The following TWIST2 variants were observed in gnomAD, a reference collection of about 807,000 sequenced individuals.
TWIST2 encodes twist-related protein 2.
A neutral mutation model predicts 11.6 loss-of-function variants in TWIST2; 1 was observed. The observed-to-expected ratio is 0.09, with a 90% CI of 0.03 to 0.41. The LOEUF is 0.41. Ranked by LOEUF, TWIST2 falls within the 10% of genes least tolerant of loss-of-function variation. TWIST2 has a pLI of 0.98. For missense variants in TWIST2, 168 were observed against 226.4 expected, an observed-to-expected ratio of 0.74 and a Z score of 1.66; for synonymous variants, 87 against 96.6, an observed-to-expected ratio of 0.90 and a Z score of 0.58.
intron 1 of TWIST2, among the ~76,000 whole-genome samples, chr2:238,877,204 C>T (rs1265797142): frequency 3.9e-5 from 6 of 152,002 alleles, no homozygotes; most frequent in African/African-American, 9.7e-5. Context: ...CTCAAAACAG[C>T]AACAACAAAA....
chr2:238,894,317 T>G (rs907715557), intron 1 of TWIST2, among the ~76,000 whole-genome samples: 5 of 151,894 alleles, frequency 3.3e-5, no homozygotes, highest in Admixed American at 1.3e-4. Context: ...CCGAGATGAC[T>G]CCTCCTCTCT....
chr2:238,898,223 A>G (rs1693227929), intron 1 of TWIST2, among the ~76,000 whole-genome samples: 1 of 152,236 alleles, frequency 6.6e-6, no homozygotes, highest in African/African-American at 2.4e-5. Flanking sequence ...GCCTCTAACC[A>G]GCTGTGTGAC....
intron 1 of TWIST2, 81 bp from the exon 2 acceptor site, chr2:238,909,761 C>T (rs1461730833): frequency 1.3e-5 from 2 of 152,472 alleles, no homozygotes; most frequent in African/African-American, 4.8e-5. Flanking sequence ...TCCCACCCAG[C>T]CTTGGGACAG....
At chr2:238,890,789 T>G (rs946276764) in intron 1 of TWIST2, among the ~76,000 whole-genome samples, 10 of 152,188 alleles carry the variant, frequency 6.6e-5, no homozygotes, top group African/African-American at 2.2e-4. Context: ...GGGATTAGTC[T>G]CTAAGCTCTC....
At chr2:238,850,624 T>TA (rs923354263) in intron 1 of TWIST2, among the ~76,000 whole-genome samples, 6 of 152,110 alleles carry the variant, frequency 3.9e-5, no homozygotes, top group Admixed American at 6.5e-5. Context: ...CCTCAAAACT[T>TA]AGAGAATCAG....
At chr2:238,848,773 G>GGGCGGGC in intron 1 of TWIST2, 40 bp downstream of exon 1, 1 of 1,318,442 alleles carries the variant, frequency 7.6e-7, no homozygotes, top group Non-Finnish European at 9.6e-7. Context: ...CCGCTGCGGG[G>GGGCGGGC]GGCGGGCGGC....
intron 1 of TWIST2, among the ~76,000 whole-genome samples, chr2:238,899,158 G>C (rs36133683): frequency 0.36 from 54,511 of 152,254 alleles, 9,934 homozygotes; most frequent in Middle Eastern, 0.49. Context: ...GCTGGCCACG[G>C]GAGCCACCTG....
chr2:238,894,399 A>C (rs1574766846), intron 1 of TWIST2, among the ~76,000 whole-genome samples: 1 of 151,366 alleles, frequency 6.6e-6, no homozygotes, highest in African/African-American at 2.4e-5. Context: ...GCCCCTTGCC[A>C]CCCCCACACT....
intron 1 of TWIST2, among the ~76,000 whole-genome samples, chr2:238,872,322 C>T (rs957407546): frequency 2.6e-5 from 4 of 152,164 alleles, no homozygotes; most frequent in Admixed American, 1.3e-4. Context: ...GAGGGCCATG[C>T]CAGTGTAGGG....
chr2:238,871,161 C>A (rs1692686703), intron 1 of TWIST2, among the ~76,000 whole-genome samples: 1 of 13,244 alleles, frequency 7.6e-5, no homozygotes, highest in Non-Finnish European at 1.4e-4. Context: ...ACACCACACA[C>A]CCCACACACA....
At chr2:238,870,631 C>T (rs1372056135) in intron 1 of TWIST2, among the ~76,000 whole-genome samples, 2 of 44,096 alleles carry the variant, frequency 4.5e-5, no homozygotes, top group African/African-American at 1.5e-4. Flanking sequence ...ACAAACCACA[C>T]CCCCCCACAC....
intron 1 of TWIST2, among the ~76,000 whole-genome samples, chr2:238,897,818 C>T (rs1427991650): frequency 1.3e-5 from 2 of 152,250 alleles, no homozygotes; most frequent in Non-Finnish European, 2.9e-5. Context: ...TACCCGGAGC[C>T]GTCTGGCCCT....
At chr2:238,887,855 A>G (rs1693069400) in intron 1 of TWIST2, among the ~76,000 whole-genome samples, 2 of 152,174 alleles carry the variant, frequency 1.3e-5, no homozygotes, top group Admixed American at 1.3e-4. Context: ...CTGCTGCATG[A>G]ACCTCCTGAG....
intron 1 of TWIST2, among the ~76,000 whole-genome samples, chr2:238,890,418 G>A (rs551377961): frequency 2.0e-5 from 3 of 152,322 alleles, no homozygotes; most frequent in East Asian, 1.9e-4. Context: ...CTGAGAGCCC[G>A]TGATTGCACA....
At chr2:238,870,135 CCACA>C in intron 1 of TWIST2, among the ~76,000 whole-genome samples, 1 of 77,222 alleles carries the variant, frequency 1.3e-5, no homozygotes, top group Non-Finnish European at 2.5e-5. Context: ...CACACACACA[CCACA>C]CCCCATACAC....
In TWIST2 at chr2:238,864,206, G is replaced by A. The variant is rs1330050877; in HGVS notation, c.*35+15473G>A. 6.6e-6 allele frequency among the ~76,000 whole-genome samples: 1 copy of A among 151,342 alleles called. No individual in the cohort carries two copies. Among genetic ancestry groups the A allele is most frequent in the African/African-American group, 2.4e-5 (1 of 41,162 alleles). On this transcript the variant is annotated intron_variant, in intron 1 of 1. Transcript: ENST00000612363. The surrounding 1 kb of genome is among the most constrained non-coding windows in gnomAD (Gnocchi z 4.7). ...GGGGAAGGGGCTGGAGGTGAGGGGGGACCTCTCGGGCTGTGCCGTGGTATC... is the reference window on the plus strand; with the variant it reads ...GGGGAAGGGGCTGGAGGTGAGGGGGAACCTCTCGGGCTGTGCCGTGGTATC...
chr2:238,903,052 AT>A (rs1693296341), intron 1 of TWIST2, among the ~76,000 whole-genome samples: 1 of 83,946 alleles, frequency 1.2e-5, no homozygotes. Flanking sequence ...GGTGTGTGTG[AT>A]GTGTGTGTGA....
At chr2:238,865,711 G>A (rs1248332423) in intron 1 of TWIST2, among the ~76,000 whole-genome samples, 1 of 150,956 alleles carries the variant, frequency 6.6e-6, no homozygotes, top group African/African-American at 2.4e-5. Context: ...TTTTGCTGTG[G>A]CATTAGACAG....
chr2:238,899,132 G>C (rs1693240761), intron 1 of TWIST2, among the ~76,000 whole-genome samples: 1 of 152,270 alleles, frequency 6.6e-6, no homozygotes, highest in African/African-American at 2.4e-5. Flanking sequence ...GCCTCGGCCT[G>C]CCAAGCCATG....
Sources: allele counts gnomAD v4.1 joint callset (sites outside exome capture counted in the v4.1 genomes callset), GRCh38; gene constraint gnomAD v4.1.1; non-coding constraint Gnocchi (gnomAD v3.1); transcripts MANE v1.5; gene names NCBI Gene and HGNC (gene_info 2026-07-23, HGNC 2026-07-21).